EFNA5: variants seen among roughly 807,000 people sequenced by gnomAD.
EFNA5 encodes the protein ephrin A5.
In EFNA5, 5 loss-of-function variants were observed where a neutral mutation model predicts 22.9. The ratio of observed to expected loss-of-function variants is 0.22; its 90% CI spans 0.11 to 0.46. The LOEUF is 0.46. Among genes scored for constraint, EFNA5 ranks in the 20% least tolerant of loss-of-function variants. The pLI is 0.99. For missense variants in EFNA5, 237 were observed against 293.3 expected, an observed-to-expected ratio of 0.81 and a Z score of 1.40; for synonymous variants, 113 against 112.2, an observed-to-expected ratio of 1.01 and a Z score of -0.04.
intron 1 of EFNA5, among the ~76,000 whole-genome samples, chr5:107,585,024 A>G (rs1749155696): frequency 6.6e-6 from 1 of 152,114 alleles, no homozygotes; most frequent in Non-Finnish European, 1.5e-5. Flanking sequence ...GGGAAAGTCA[A>G]TTGCTGATAT....
At position 107,482,832 on chromosome 5, in the gene EFNA5, GTCTCTCTC is replaced by G. The variant is rs59574940; in HGVS notation, c.126-55331_126-55324del. ...TCTCTCTGTCTCTCTCTCTGTCTCT[GTCTCTCTC>G]TCTCTCTCTCTCTCTCTCTCTCTCT... is the stretch of plus-strand genomic sequence containing the variant. On this transcript the variant is annotated intron_variant, in intron 1 of 4. Transcript: ENST00000333274. Among the ~76,000 whole-genome samples, 132 of 94,006 alleles carry G rather than the reference GTCTCTCTC, an allele frequency of 1.4e-3. No individual in the cohort carries two copies. In the Middle Eastern group the frequency reaches 0.021, roughly 15 times the overall value. The allele number at this position is 94,006 out of a possible 152,430, so 61.7% of individuals were successfully genotyped here. A position where few individuals can be genotyped will look rare whatever the true frequency, so the allele number is the denominator to read the frequency against.
chr5:107,562,647 A>T (rs1430114757), intron 1 of EFNA5, among the ~76,000 whole-genome samples: 2 of 152,248 alleles, frequency 1.3e-5, no homozygotes, highest in Non-Finnish European at 2.9e-5. Flanking sequence ...TTTTTAAAAA[A>T]GTTCCTAATA....
chr5:107,532,621 A>G (rs1439072323), intron 1 of EFNA5, among the ~76,000 whole-genome samples: 2 of 152,216 alleles, frequency 1.3e-5, no homozygotes, highest in African/African-American at 2.4e-5. Flanking sequence ...TTTAGAAAGG[A>G]AAGACCATGA....
At chr5:107,669,175 G>A (rs921981820) in intron 1 of EFNA5, among the ~76,000 whole-genome samples, 2 of 151,928 alleles carry the variant, frequency 1.3e-5, no homozygotes, top group African/African-American at 2.4e-5. Context: ...GAGGCTGGAG[G>A]CAGGCGGAGA....
chr5:107,493,254 T>C (rs1391971653), intron 1 of EFNA5, among the ~76,000 whole-genome samples: 2 of 151,854 alleles, frequency 1.3e-5, no homozygotes, highest in African/African-American at 4.8e-5. Flanking sequence ...TTCTACTAAA[T>C]AGGAGATAAA....
chr5:107,492,063 G>C (rs1746820541), intron 1 of EFNA5, among the ~76,000 whole-genome samples: 1 of 151,806 alleles, frequency 6.6e-6, no homozygotes, highest in Admixed American at 6.6e-5. Flanking sequence ...TCAAACTCTT[G>C]GCCTCAAGTA....
At chr5:107,584,504 T>C (rs1749134958) in intron 1 of EFNA5, among the ~76,000 whole-genome samples, 1 of 152,248 alleles carries the variant, frequency 6.6e-6, no homozygotes, top group Non-Finnish European at 1.5e-5. Flanking sequence ...AAATAACCTT[T>C]AAATTCAATA....
Position 107,377,655 on chromosome 5 carries a change from C to T in EFNA5, c.*3600G>A, listed in dbSNP as rs1275429900. On this transcript the variant is annotated 3_prime_UTR_variant, in exon 5 of 5. Coordinates refer to ENST00000333274, the MANE Select transcript of EFNA5 (RefSeq NM_001962.3). ...AACGACACAGAGAGGGAAACAGCCC[C>T]ATTTAAGCTTCCTACACTGATTGGT... The T allele has an allele frequency of 6.6e-6, 1 of 152,146 alleles. No individual in the cohort carries two copies. Among genetic ancestry groups the T allele is most frequent in the African/African-American group, 2.4e-5 (1 of 41,414 alleles). 9.4% of individuals were successfully genotyped at this position (152,146 alleles called of 1,614,324 possible). A position where few individuals can be genotyped will look rare whatever the true frequency, so the allele number is the denominator to read the frequency against.
chr5:107,448,601 C>T (rs929307036), intron 1 of EFNA5, among the ~76,000 whole-genome samples: 4 of 151,850 alleles, frequency 2.6e-5, no homozygotes, highest in South Asian at 2.1e-4. Context: ...AAGGCTGAGG[C>T]GGGCGGATCA....
At chr5:107,510,318 C>T (rs945584683) in intron 1 of EFNA5, among the ~76,000 whole-genome samples, 1 of 152,152 alleles carries the variant, frequency 6.6e-6, no homozygotes, top group Non-Finnish European at 1.5e-5. Flanking sequence ...TGGGGAGTAA[C>T]CTGCAGTTCC....
At chr5:107,388,802 T>C (rs1747709899) in intron 2 of EFNA5, among the ~76,000 whole-genome samples, 1 of 152,190 alleles carries the variant, frequency 6.6e-6, no homozygotes, top group Non-Finnish European at 1.5e-5. Context: ...TGGCTTACAA[T>C]TAGTTTGGCA....
At chr5:107,500,917 G>C (rs1282480928) in intron 1 of EFNA5, among the ~76,000 whole-genome samples, 1 of 151,130 alleles carries the variant, frequency 6.6e-6, no homozygotes, top group Admixed American at 6.6e-5. Context: ...TTTCAGCCAG[G>C]ATTGTTCATC....
intron 1 of EFNA5, among the ~76,000 whole-genome samples, chr5:107,541,906 A>G (rs1748056713): frequency 6.6e-6 from 1 of 152,218 alleles, no homozygotes; most frequent in African/African-American, 2.4e-5. Flanking sequence ...TTTGTATTGT[A>G]AATGTTTGGC....
intron 1 of EFNA5, among the ~76,000 whole-genome samples, chr5:107,653,976 A>G (rs1750780513): frequency 6.6e-6 from 1 of 152,166 alleles, no homozygotes; most frequent in Non-Finnish European, 1.5e-5. Context: ...GGTCTTATGT[A>G]TACTATTAAT....
intron 1 of EFNA5, among the ~76,000 whole-genome samples, chr5:107,492,844 C>T (rs949746885): frequency 1.3e-5 from 2 of 151,986 alleles, no homozygotes; most frequent in African/African-American, 4.8e-5. Flanking sequence ...ACTAAAAATA[C>T]AAAAATTAGC....
chr5:107,641,294 G>C (rs548630726), intron 1 of EFNA5, among the ~76,000 whole-genome samples: 4 of 151,142 alleles, frequency 2.6e-5, no homozygotes, highest in Admixed American at 2.6e-4. Flanking sequence ...GGAGGCAAAG[G>C]TTACAGTGAG....
chr5:107,391,551 T>C (rs1747794945), intron 2 of EFNA5, among the ~76,000 whole-genome samples: 1 of 152,222 alleles, frequency 6.6e-6, no homozygotes, highest in Non-Finnish European at 1.5e-5. Flanking sequence ...AATCTTCCTC[T>C]AAAGACACAT....
Position 107,634,781 on chromosome 5 carries a change from G to A in EFNA5, c.125+35708C>T, listed in dbSNP as rs572202940. 7.1e-5 allele frequency among the ~76,000 whole-genome samples: 8 copies of A among 113,114 alleles called. 2 individuals carry two copies. Among genetic ancestry groups the A allele is most frequent in the Non-Finnish European group, 1.7e-4 (8 of 45,978 alleles). The allele number at this position is 113,114 out of a possible 152,430, so 74.2% of individuals were successfully genotyped here. The stretch of plus-strand genomic sequence containing the variant: ...TGTCTCAAGTCTATTGATCTTCATG[G>A]AGATAATTTCCAAGGTATAATGCAA... On this transcript the variant is annotated intron_variant, in intron 1 of 4. Coordinates refer to ENST00000333274, the MANE Select transcript of EFNA5 (RefSeq NM_001962.3).
chr5:107,656,328 G>A (rs548214316), intron 1 of EFNA5, among the ~76,000 whole-genome samples: 1 of 152,182 alleles, frequency 6.6e-6, no homozygotes, highest in East Asian at 1.9e-4. Flanking sequence ...CCTCTCAAGA[G>A]TCAGTCTTTA....
Sources: gnomAD v4.1 joint callset for allele counts (sites outside exome capture counted in the v4.1 genomes callset) on GRCh38, gnomAD v4.1.1 for gene constraint, MANE v1.5 for transcripts, NCBI Gene and HGNC (gene_info 2026-07-23, HGNC 2026-07-21) for gene names.